The following CAMK1 variants were observed in gnomAD, a reference collection of about 807,000 sequenced individuals.
The protein encoded by CAMK1 is calcium/calmodulin dependent protein kinase I.
A neutral mutation model predicts 49.1 loss-of-function variants in CAMK1; 39 were observed. That is an observed-to-expected ratio of 0.79 (90% CI 0.62 to 1.04). The LOEUF (loss-of-function observed/expected upper bound fraction) is 1.04. Among genes scored for constraint, CAMK1 ranks in the 50% least tolerant of loss-of-function variants. CAMK1 has a pLI of 0.00. For synonymous variants in CAMK1, 192 were observed against 185.2 expected (o/e 1.04, Z -0.30); for missense variants, 457 against 472.2 (o/e 0.97, Z 0.30).
chr3:9,760,767 G>A lies in CAMK1; in HGVS notation c.634C>T (p.Leu212Phe). The A allele has an allele frequency of 6.2e-7, 1 of 1,614,056 alleles. No homozygotes were observed. The highest frequency in any genetic ancestry group is 1.1e-5 in the South Asian group (1 of 91,086). ...WSIGVIAYILLCGYPPFYDEN... is the reference protein window; with the variant it reads ...WSIGVIAYILFCGYPPFYDEN... ...TCATAGAAGGGAGGGTAACCGCAGA[G>A]CCTGGGCAGGGAGAAACTCATCCTC... Residue 212 changes from leucine to phenylalanine, a missense_variant and splice_region_variant, in exon 8 of 12, where the codon CTC becomes TTC. By Grantham distance (22) the Leu-to-Phe change is conservative (BLOSUM62 0). Transcript: ENST00000256460.
chr3:9,766,748 CGTG>C (rs1171506725), intron 2 of CAMK1: 3 of 556,736 alleles, frequency 5.4e-6, no homozygotes, highest in African/African-American at 4.1e-5. Flanking sequence ...AAGCATCTCT[CGTG>C]GTGAAATTTC....
At chr3:9,766,924 C>G (rs1239939555) in intron 2 of CAMK1, among the ~76,000 whole-genome samples, 5 of 152,114 alleles carry the variant, frequency 3.3e-5, no homozygotes, top group Admixed American at 2.6e-4. Flanking sequence ...CAATATCCAG[C>G]CTCCCTGGCC....
rs1359806462 is a variant in CAMK1 at position 9,760,719 on chromosome 3, C to CA, written c.681dup (p.Glu228Ter). ...TCGTACTCGGCCTTCAAAATCTGTTCAAAGAGTTTGGCATCATTCTCGTCA... is the reference window on the plus strand; with the variant it reads ...TCGTACTCGGCCTTCAAAATCTGTTCAAAAGAGTTTGGCATCATTCTCGTCA... On this transcript the variant is annotated frameshift_variant, in exon 8 of 12. Transcript: ENST00000256460. LOFTEE classifies it high-confidence loss of function. The CA allele has an allele frequency of 1.9e-6, 3 of 1,613,920 alleles. No homozygotes were observed. In the African/African-American group the frequency reaches 4.0e-5, roughly 22 times the overall value.
chr3:9,760,253 GA>G (rs58204599), intron 8 of CAMK1: 2,462 of 140,148 alleles, frequency 0.018, 4 homozygotes, highest in South Asian at 0.04. Flanking sequence ...AAAAAAGAAA[GA>G]AAAAAAAAAA....
chr3:9,764,615 TTG>T lies in CAMK1; in HGVS notation c.215+1142_215+1143del, dbSNP rs1386317085. 3.5e-5 allele frequency among the ~76,000 whole-genome samples: 4 copies of T among 112,924 alleles called. No homozygotes were observed. The South Asian group carries it at 9.5e-4, about 27-fold the overall frequency. 74.1% of individuals were successfully genotyped at this position (112,924 alleles called of 152,430 possible). On this transcript the variant is annotated intron_variant, in intron 3 of 11. Transcript: ENST00000256460. The stretch of plus-strand genomic sequence containing the variant: ...GCGTGAGCCACTGCGCCTGGCGTTT[TTG>T]TTTTTTTTTTGTTTTTTTTTTTTTT...
intron 2 of CAMK1, chr3:9,766,770 G>A (rs887487887): frequency 8.5e-6 from 3 of 354,724 alleles, no homozygotes; most frequent in African/African-American, 6.7e-5. Context: ...TCAATCCTCA[G>A]GGATAATTAG....
intron 4 of CAMK1, 42 bp from the exon 5 acceptor site, chr3:9,763,094 C>A (rs1343315757): frequency 1.2e-6 from 2 of 1,613,960 alleles, no homozygotes; most frequent in African/African-American, 2.7e-5. Flanking sequence ...AGGGTTGGGA[C>A]AGCTGGGAGA....
intron 7 of CAMK1, chr3:9,761,016 C>T (rs1575230865): frequency 1.0e-5 from 5 of 484,812 alleles, no homozygotes; most frequent in Non-Finnish European, 1.5e-5. Flanking sequence ...CACTCTTTCC[C>T]CACACCTCCA....
chr3:9,761,242 T>C (rs2077852535), intron 7 of CAMK1: 8 of 494,698 alleles, frequency 1.6e-5, no homozygotes, highest in Non-Finnish European at 2.8e-5. Flanking sequence ...GCAGGCACTT[T>C]GTCTGGTTTG....
At chr3:9,767,391 A>G (rs2078183541) in intron 2 of CAMK1, among the ~76,000 whole-genome samples, 1 of 152,230 alleles carries the variant, frequency 6.6e-6, no homozygotes, top group Admixed American at 6.5e-5. Context: ...AACCTAGGCT[A>G]GAACACTTAG....
rs2077945972 is a variant in CAMK1, at chr3:9,762,768, G to C, written c.429+146C>G. On this transcript the variant is annotated intron_variant, in intron 5 of 11. Transcript: ENST00000256460. ...AGTATCTGGACTAGAATGGGAGGAG[G>C]CAGTTTAAAGGTTACAAGATCCACT... is the stretch of plus-strand genomic sequence containing the variant. 3 of 697,234 alleles carry C rather than the reference G, an allele frequency of 4.3e-6. No homozygotes were observed. In the Admixed American group the frequency reaches 8.1e-5, roughly 19 times the overall value. 43.2% of individuals were successfully genotyped at this position (697,234 alleles called of 1,614,324 possible).
At position 9,767,453 on chromosome 3, in the gene CAMK1, C is replaced by T. The variant is rs571043376; in HGVS notation, c.83+214G>A. The stretch of plus-strand genomic sequence containing the variant: ...ACTGGCACCTTCATTCTCTCGACTT[C>T]TTTCTCTTCAAGAACCCAGGGCTAT... On this transcript the variant is annotated intron_variant, in intron 2 of 11. Transcript: ENST00000256460. Among the ~76,000 whole-genome samples the T allele has an allele frequency of 1.2e-4, 19 of 152,358 alleles. No homozygotes were observed. The South Asian group carries it at 3.5e-3, about 28-fold the overall frequency.
At chr3:9,761,867 T>G in intron 5 of CAMK1, 110 bp from the exon 6 acceptor site, 5 of 1,462,076 alleles carry the variant, frequency 3.4e-6, no homozygotes, top group Non-Finnish European at 4.5e-6. Flanking sequence ...CAAAAGCCAC[T>G]GTGGCTTCAT....
intron 8 of CAMK1, 61 bp from the exon 9 acceptor site, chr3:9,759,811 A>G (rs776097129): frequency 1.2e-6 from 2 of 1,613,680 alleles, no homozygotes; most frequent in East Asian, 2.2e-5. Context: ...GTACTCCCCA[A>G]GAGCATACCC....
At position 9,761,641 on chromosome 3, in the gene CAMK1, C is replaced by T. The variant is rs2077878821; in HGVS notation, c.546G>A (p.Pro182=). Reference sequence around the variant, plus strand: ...CAGGGCCCTCCGCACCCACGTATCCCGGAGTTCCACAGGCGGTGGAGAGCA... The same window carrying T: ...CAGGGCCCTCCGCACCCACGTATCCTGGAGTTCCACAGGCGGTGGAGAGCA... The part of the protein sequence containing the change: ...GSVLSTACGT[P]GYVAPEVLAQ... The change falls in exon 6 of 12, where the codon CCG becomes CCA. Residue 182 remains proline (P), a synonymous_variant. Transcript: ENST00000256460. The T allele has an allele frequency of 8.1e-6, 13 of 1,614,134 alleles. No homozygotes were observed. The Middle Eastern group carries it at 8.2e-4, about 102-fold the overall frequency.
chr3:9,760,799 A>C (rs748791479), intron 7 of CAMK1, 31 bp from the exon 8 acceptor site: 3 of 1,613,032 alleles, frequency 1.9e-6, no homozygotes, highest in Admixed American at 1.7e-5. Flanking sequence ...CCTCATTTCC[A>C]CTTTCGGGTG....
chr3:9,759,359 C>T (rs2077737664), intron 10 of CAMK1, 129 bp downstream of exon 10: 2 of 1,542,384 alleles, frequency 1.3e-6, no homozygotes, highest in Non-Finnish European at 9.0e-7. Flanking sequence ...GAATGAAGTC[C>T]TTCAGTAAGG....
rs541448857 is a variant in CAMK1, at chr3:9,757,545, C to G, written c.1107G>C (p.Gln369His). The G allele has an allele frequency of 5.0e-6, 8 of 1,613,434 alleles. No homozygotes were observed. In the African/African-American group the frequency reaches 6.7e-5, roughly 13 times the overall value. ...TGACCCGAGGTCCAGGGCCCTAGAG[C>G]TGGTGGGGCAGTGTGGGGGACAGTT... ...GTELSPTLPHQL is the reference protein window; with the variant it reads ...GTELSPTLPHHL The change falls in exon 12 of 12, where the codon CAG becomes CAC. Residue 369 changes from glutamine (Q) to histidine (H), a missense_variant. Coordinates refer to ENST00000256460, the MANE Select transcript of CAMK1 (RefSeq NM_003656.5). This position sits in a 1 kb window ranked among gnomAD's most constrained non-coding sequence, Gnocchi z 4.5.
rs762718323 is a variant in CAMK1 at position 9,757,554 on chromosome 3, C to A, written c.1098G>T (p.Leu366=). 6.2e-7 allele frequency: 1 copy of A among 1,613,668 alleles called. No homozygotes were observed. The highest frequency in any genetic ancestry group is 1.1e-5 in the South Asian group (1 of 91,046). ...VEPGTELSPT[L]PHQL ...GTCCAGGGCCCTAGAGCTGGTGGGG[C>A]AGTGTGGGGGACAGTTCTGTGCCCG... Residue 366 remains leucine, a synonymous_variant, in exon 12 of 12, where the codon CTG becomes CTT. Coordinates refer to ENST00000256460, the MANE Select transcript of CAMK1 (RefSeq NM_003656.5). This position sits in a 1 kb window ranked among gnomAD's most constrained non-coding sequence, Gnocchi z 4.5.
Sources: allele counts gnomAD v4.1 joint callset (sites outside exome capture counted in the v4.1 genomes callset), GRCh38; gene constraint gnomAD v4.1.1; non-coding constraint Gnocchi (gnomAD v3.1); transcripts MANE v1.5; gene names NCBI Gene and HGNC (gene_info 2026-07-23, HGNC 2026-07-21).